Variants in INSYN2B observed in about 807,000 individuals in gnomAD.
The protein encoded by INSYN2B is protein INSYN2B.
Under a neutral mutation model 41.2 loss-of-function variants are expected in INSYN2B, and 16 were observed. The observed-to-expected ratio is 0.39, with a 90% CI of 0.26 to 0.59. The LOEUF (loss-of-function observed/expected upper bound fraction) is 0.59. INSYN2B is among the 20% of genes least tolerant of loss of function. The pLI, the probability that INSYN2B is intolerant of heterozygous loss-of-function variation, is 0.57. For missense variants in INSYN2B, 608 were observed against 646.4 expected, an observed-to-expected ratio of 0.94 and a Z score of 0.64; for synonymous variants, 245 against 244.4, an observed-to-expected ratio of 1.00 and a Z score of -0.02.
intron 1 of INSYN2B, among the ~76,000 whole-genome samples, chr5:169,929,507 G>C (rs191658853): frequency 1.2e-4 from 19 of 152,200 alleles, no homozygotes; most frequent in Non-Finnish European, 2.5e-4. Context: ...AAGGCTGAGG[G>C]GGGAGGATTG....
chr5:169,891,690 A>G (rs1773291056), intron 1 of INSYN2B, among the ~76,000 whole-genome samples: 1 of 152,090 alleles, frequency 6.6e-6, no homozygotes, highest in Non-Finnish European at 1.5e-5. Context: ...AGTGCTTCAA[A>G]AAGAACAAAG....
intron 1 of INSYN2B, among the ~76,000 whole-genome samples, chr5:169,964,288 C>A (rs1426865275): frequency 6.6e-6 from 1 of 152,122 alleles, no homozygotes; most frequent in Non-Finnish European, 1.5e-5. Flanking sequence ...GGACTCTGGC[C>A]CCCATCAGGC....
chr5:169,914,307 A>C (rs1431481497), intron 1 of INSYN2B, among the ~76,000 whole-genome samples: 3 of 152,206 alleles, frequency 2.0e-5, no homozygotes, highest in African/African-American at 7.2e-5. Flanking sequence ...TTCATAACCC[A>C]TATAGATATT....
chr5:169,921,050 A>G (rs1775147205), intron 1 of INSYN2B, among the ~76,000 whole-genome samples: 6 of 152,190 alleles, frequency 3.9e-5, no homozygotes, highest in Admixed American at 3.9e-4. Flanking sequence ...TTATTTTCCA[A>G]TTCCTTCTGG....
intron 1 of INSYN2B, among the ~76,000 whole-genome samples, chr5:169,943,249 C>T (rs1298317671): frequency 6.6e-6 from 1 of 152,148 alleles, no homozygotes; most frequent in Non-Finnish European, 1.5e-5. Context: ...TTCATTGGTA[C>T]ATTTCCTTTG....
intron 1 of INSYN2B, among the ~76,000 whole-genome samples, chr5:169,919,508 A>G (rs951567108): frequency 6.6e-6 from 1 of 152,188 alleles, no homozygotes; most frequent in Non-Finnish European, 1.5e-5. Flanking sequence ...TCTGAAGTCT[A>G]CCATCTGGTT....
chr5:169,962,941 A>G (rs148772569), intron 1 of INSYN2B, among the ~76,000 whole-genome samples: 4 of 152,262 alleles, frequency 2.6e-5, no homozygotes, highest in African/African-American at 9.6e-5. Flanking sequence ...TAGGCCAGGT[A>G]TAGGATGGGA....
chr5:169,970,504 C>A (rs1777464097), intron 1 of INSYN2B, among the ~76,000 whole-genome samples: 1 of 152,168 alleles, frequency 6.6e-6, no homozygotes, highest in African/African-American at 2.4e-5. Context: ...AGAGTCAACT[C>A]AACACTGTGA....
intron 1 of INSYN2B, among the ~76,000 whole-genome samples, chr5:169,974,287 T>C (rs893132387): frequency 1.3e-5 from 2 of 152,202 alleles, no homozygotes; most frequent in Non-Finnish European, 2.9e-5. Flanking sequence ...ATAGTAAGTA[T>C]CCTATAACTG....
intron 1 of INSYN2B, among the ~76,000 whole-genome samples, chr5:169,926,542 C>T (rs1309189102): frequency 1.3e-5 from 2 of 152,084 alleles, no homozygotes; most frequent in Non-Finnish European, 2.9e-5. Flanking sequence ...ATCTGGGTGC[C>T]GCATGAGGCT....
intron 3 of INSYN2B, among the ~76,000 whole-genome samples, chr5:169,864,854 A>C (rs1332479658): frequency 6.6e-6 from 1 of 152,208 alleles, no homozygotes; most frequent in Admixed American, 6.5e-5. Flanking sequence ...GCTCAGTTTC[A>C]TTATCTGTAA....
intron 3 of INSYN2B, among the ~76,000 whole-genome samples, chr5:169,877,016 T>C (rs2113483237): frequency 6.6e-6 from 1 of 152,200 alleles, no homozygotes; most frequent in East Asian, 1.9e-4. Flanking sequence ...ACCTAGCAGA[T>C]GAGGGCTCAT....
At chr5:169,961,432 A>G (rs375276707) in intron 1 of INSYN2B, among the ~76,000 whole-genome samples, 3 of 152,374 alleles carry the variant, frequency 2.0e-5, no homozygotes, top group South Asian at 4.1e-4. Context: ...ACAGTGCAAG[A>G]ATAAGTATAG....
At chr5:169,949,505 G>A (rs376569884) in intron 1 of INSYN2B, among the ~76,000 whole-genome samples, 1 of 151,972 alleles carries the variant, frequency 6.6e-6, no homozygotes, top group African/African-American at 2.4e-5. Context: ...TGTAAAAGTA[G>A]CTGGAGCCTG....
intron 1 of INSYN2B, among the ~76,000 whole-genome samples, chr5:169,959,373 G>GA (rs796836948): frequency 0.027 from 3,624 of 135,202 alleles, 140 homozygotes; most frequent in African/African-American, 0.089. Flanking sequence ...CGTCTCAAAA[G>GA]AAAAAAAAAA....
intron 1 of INSYN2B, among the ~76,000 whole-genome samples, chr5:169,902,888 AAGAGATCG>A (rs1380254023): frequency 6.6e-6 from 1 of 152,110 alleles, no homozygotes; most frequent in Non-Finnish European, 1.5e-5. Context: ...TCACAAGGTC[AAGAGATCG>A]AGACCATCTT....
rs1771289297 is a variant in INSYN2B, at chr5:169,862,812, A to T, written c.*1461T>A. Among the ~76,000 whole-genome samples, 2 of 152,346 alleles carry T rather than the reference A, an allele frequency of 1.3e-5. No individual in the cohort carries two copies. Among genetic ancestry groups the T allele is most frequent in the East Asian group, 3.9e-4 (2 of 5,190 alleles). On this transcript the variant is annotated 3_prime_UTR_variant, in exon 4 of 4. Transcript: ENST00000377365. ...CGGAGTGGTTTGCTCAATTAGGCTCAATTTGCAGTGGGGTAGGTACATCCC... is the reference window on the plus strand; with the variant it reads ...CGGAGTGGTTTGCTCAATTAGGCTCTATTTGCAGTGGGGTAGGTACATCCC...
At chr5:169,969,435 G>T (rs906533220) in intron 1 of INSYN2B, among the ~76,000 whole-genome samples, 3 of 152,094 alleles carry the variant, frequency 2.0e-5, no homozygotes, top group African/African-American at 7.2e-5. Context: ...ACAGAGTGAG[G>T]CTCCATCTCA....
chr5:169,901,778 G>C (rs1027028386), intron 1 of INSYN2B, among the ~76,000 whole-genome samples: 43 of 152,172 alleles, frequency 2.8e-4, no homozygotes, highest in Non-Finnish European at 1.2e-4. Flanking sequence ...CTTCTAATAG[G>C]CTTTCCCAGA....
Sources: allele counts gnomAD v4.1 joint callset (sites outside exome capture counted in the v4.1 genomes callset), GRCh38; gene constraint gnomAD v4.1.1; transcripts MANE v1.5; gene names NCBI Gene and HGNC (gene_info 2026-07-23, HGNC 2026-07-21).